Variants in KLF12 observed in about 807,000 individuals in gnomAD.
KLF12 encodes KLF transcription factor 12.
KLF12 carries 9 observed loss-of-function variants against 37.8 expected under a neutral mutation model. The ratio of observed to expected loss-of-function variants is 0.24; its 90% CI spans 0.14 to 0.42. The LOEUF is 0.42. Ranked by LOEUF, KLF12 falls within the 10% of genes least tolerant of loss-of-function variation. The pLI is 1.00. For missense variants in KLF12, 411 were observed against 516.0 expected (o/e 0.80, Z 1.97); for synonymous variants, 208 against 202.1 (o/e 1.03, Z -0.25).
intron 2 of KLF12, among the ~76,000 whole-genome samples, chr13:73,980,180 T>G (rs1267831402): frequency 6.6e-6 from 1 of 152,154 alleles, no homozygotes; most frequent in African/African-American, 2.4e-5. Flanking sequence ...CAAATACAAT[T>G]TATCAAATCT....
intron 2 of KLF12, among the ~76,000 whole-genome samples, chr13:73,974,418 C>T (rs1282642166): frequency 1.3e-5 from 2 of 151,998 alleles, no homozygotes; most frequent in African/African-American, 4.8e-5. Flanking sequence ...ACACTCAATG[C>T]CAGAAGACAA....
the KLF12 span, among the ~76,000 whole-genome samples, chr13:74,211,461 C>A: frequency 6.6e-6 from 1 of 152,120 alleles, no homozygotes; most frequent in African/African-American, 2.4e-5. Flanking sequence ...TCTAAGTGGA[C>A]GAACCACATG....
intron 2 of KLF12, among the ~76,000 whole-genome samples, chr13:73,952,020 G>A (rs1275863589): frequency 2.0e-5 from 3 of 152,180 alleles, no homozygotes; most frequent in South Asian, 4.1e-4. Flanking sequence ...GCTTGTTGTT[G>A]ACAGATGGGA....
chr13:74,278,792 GCAT>G, the KLF12 span, among the ~76,000 whole-genome samples: 8 of 152,144 alleles, frequency 5.3e-5, no homozygotes, highest in Non-Finnish European at 8.8e-5. Context: ...TTGAAATGTA[GCAT>G]CTATTAGTTT....
rs758596977 is a variant in KLF12, at chr13:73,846,414, T to G, written c.124-41A>C. 5.2e-6 allele frequency: 8 copies of G among 1,537,152 alleles called. No individual in the cohort carries two copies. The East Asian group carries it at 1.8e-4, about 35-fold the overall frequency. On this transcript the variant is annotated intron_variant, in intron 3 of 7. Coordinates refer to ENST00000377669, the MANE Select transcript of KLF12 (RefSeq NM_007249.5). ...TGGAACATATATTTATCTTTGTTTATCACACATTTTATCGATGCATGGCTT... is the reference window on the plus strand; with the variant it reads ...TGGAACATATATTTATCTTTGTTTAGCACACATTTTATCGATGCATGGCTT...
At chr13:73,864,437 T>C (rs1318440381) in intron 3 of KLF12, among the ~76,000 whole-genome samples, 4 of 152,010 alleles carry the variant, frequency 2.6e-5, no homozygotes, top group African/African-American at 9.7e-5. Flanking sequence ...CTGAGTTCTC[T>C]AGGGAAAAAA....
intron 1 of KLF12, among the ~76,000 whole-genome samples, chr13:74,028,559 C>T (rs1893034651): frequency 6.6e-6 from 1 of 151,902 alleles, no homozygotes; most frequent in African/African-American, 2.4e-5. Flanking sequence ...TTTATAATCC[C>T]TAATATTTTT....
the KLF12 span, among the ~76,000 whole-genome samples, chr13:74,255,607 A>T: frequency 2.0e-5 from 3 of 152,194 alleles, no homozygotes; most frequent in African/African-American, 7.2e-5. Flanking sequence ...CAAAACAGTT[A>T]TTTGTAGCTT....
the KLF12 span, among the ~76,000 whole-genome samples, chr13:74,189,001 T>C: frequency 6.6e-6 from 1 of 152,066 alleles, no homozygotes; most frequent in Non-Finnish European, 1.5e-5. Flanking sequence ...AGAACCTGTC[T>C]CAAAAACAAA....
chr13:73,911,594 G>A (rs1349218092), intron 3 of KLF12, among the ~76,000 whole-genome samples: 1 of 152,178 alleles, frequency 6.6e-6, no homozygotes, highest in African/African-American at 2.4e-5. Context: ...TTCACAGAAA[G>A]GTTCTTGAAT....
chr13:73,886,900 G>C (rs1364164760), intron 3 of KLF12, among the ~76,000 whole-genome samples: 3 of 151,642 alleles, frequency 2.0e-5, no homozygotes, highest in Non-Finnish European at 2.9e-5. Flanking sequence ...GCTGAGGCAG[G>C]AGAATGGCTT....
At position 73,964,585 on chromosome 13, in the gene KLF12, T is replaced by C. The variant is rs145051266; in HGVS notation, c.34-20515A>G. Among the ~76,000 whole-genome samples, 236 of 143,736 alleles carry C rather than the reference T, an allele frequency of 1.6e-3. 1 individual carries two copies. The highest frequency in any genetic ancestry group is 3.6e-3 in the Middle Eastern group (1 of 280). 94.3% of individuals were successfully genotyped at this position (143,736 alleles called of 152,430 possible). A position where few individuals can be genotyped will look rare whatever the true frequency, so the allele number is the denominator to read the frequency against. On this transcript the variant is annotated intron_variant, in intron 2 of 7. Transcript: ENST00000377669. ...GAGATCAAGACCATCCTGGCTAACA[T>C]GGTGAAACTCCGTCTCTACTTAAAA...
chr13:73,719,109 G>A lies in KLF12; in HGVS notation c.870-3584C>T, dbSNP rs147910215. On this transcript the variant is annotated intron_variant, in intron 6 of 7. Transcript: ENST00000377669. ...CAGATGTCAAAGAATCCTTGGCTAA[G>A]CCTATGCCTTTCAGAACTGCTGATT... Among the ~76,000 whole-genome samples, 615 of 152,318 alleles carry A rather than the reference G, an allele frequency of 4.0e-3. 8 individuals carry two copies. Among genetic ancestry groups the A allele is most frequent in the African/African-American group, 0.014 (598 of 41,566 alleles).
At chr13:74,024,447 T>TTAA (rs1892920108) in intron 1 of KLF12, among the ~76,000 whole-genome samples, 1 of 152,224 alleles carries the variant, frequency 6.6e-6, no homozygotes, top group African/African-American at 2.4e-5. Context: ...CATCATTCTG[T>TTAA]CATGCTCAAG....
intron 2 of KLF12, chr13:73,960,260 A>C (rs536537610): frequency 5.4e-6 from 1 of 184,472 alleles, no homozygotes; most frequent in Admixed American, 5.8e-5. Flanking sequence ...AGTGAAAAAA[A>C]CAGTATGTTC....
the KLF12 span, among the ~76,000 whole-genome samples, chr13:74,255,874 G>A: frequency 1.3e-5 from 2 of 152,134 alleles, no homozygotes; most frequent in African/African-American, 4.8e-5. Context: ...TCAGGAATGA[G>A]GCCGGGCACG....
At chr13:73,699,330 G>A (rs1874379390) in intron 7 of KLF12, among the ~76,000 whole-genome samples, 1 of 152,054 alleles carries the variant, frequency 6.6e-6, no homozygotes, top group Non-Finnish European at 1.5e-5. Flanking sequence ...GTCTACAGAT[G>A]TGCTATGATC....
chr13:73,893,201 C>A (rs1421186816), intron 3 of KLF12, among the ~76,000 whole-genome samples: 2 of 151,966 alleles, frequency 1.3e-5, no homozygotes, highest in African/African-American at 4.8e-5. Context: ...ACCTTCAAAT[C>A]TCTTTTCTAA....
chr13:73,958,331 C>T (rs1431895432), intron 2 of KLF12, among the ~76,000 whole-genome samples: 5 of 151,870 alleles, frequency 3.3e-5, no homozygotes, highest in African/African-American at 1.2e-4. Flanking sequence ...GCAGCCTCCG[C>T]CTCCTGGGTT....
Sources: gnomAD v4.1 joint callset for allele counts (sites outside exome capture counted in the v4.1 genomes callset) on GRCh38, gnomAD v4.1.1 for gene constraint, MANE v1.5 for transcripts, NCBI Gene and HGNC (gene_info 2026-07-23, HGNC 2026-07-21) for gene names.